Variants in AGBL2 observed in about 807,000 individuals in gnomAD.
AGBL2 encodes the protein cytosolic carboxypeptidase 2.
In AGBL2, 87 loss-of-function variants were observed where a neutral mutation model predicts 103.0. That is an observed-to-expected ratio of 0.84 (90% CI 0.71 to 1.01). The LOEUF (loss-of-function observed/expected upper bound fraction) is 1.01, where lower values mean the gene tolerates loss of function less well. Ranked by LOEUF, AGBL2 falls within the 50% of genes least tolerant of loss-of-function variation. The pLI is 0.00. For synonymous variants in AGBL2, 335 were observed against 356.7 expected (o/e 0.94, Z 0.69); for missense variants, 904 against 1,023.5 (o/e 0.88, Z 1.59).
At chr11:47,679,889 A>G (rs2153803559) in intron 13 of AGBL2, 84 bp downstream of exon 13, 1 of 848,854 alleles carries the variant, frequency 1.2e-6, no homozygotes, top group Non-Finnish European at 1.9e-6. Context: ...CAATCCACCC[A>G]CTTCAGCCTC....
intron 13 of AGBL2, 28 bp downstream of exon 13, chr11:47,679,945 A>T: frequency 6.9e-7 from 1 of 1,447,126 alleles, no homozygotes. Context: ...CCTGGCCTTC[A>T]TCACATTTCT....
rs769512682 is a variant in AGBL2 at position 47,690,478 on chromosome 11, A to G, written c.1229T>C (p.Val410Ala). Reference protein sequence around the residue: ...YTDLQCYLLSVANNPIQSQFC... With the variant: ...YTDLQCYLLSAANNPIQSQFC... ...CTGAGACTGGATAGGGTTGTTTGCC[A>G]CTGACAGGAGGTAGCATTGCAAATC... Residue 410 changes from valine to alanine, a missense_variant, in exon 10 of 19, where the codon GTG becomes GCG. Val to Ala is a moderately conservative substitution (Grantham distance 64). Coordinates refer to ENST00000525123, the MANE Select transcript of AGBL2 (RefSeq NM_024783.4). The G allele has an allele frequency of 1.9e-6, 3 of 1,614,152 alleles. No homozygotes were observed. Among genetic ancestry groups the G allele is most frequent in the Non-Finnish European group, 2.5e-6 (3 of 1,180,022 alleles).
At chr11:47,671,976 G>T (rs2097358983) in intron 14 of AGBL2, among the ~76,000 whole-genome samples, 1 of 152,188 alleles carries the variant, frequency 6.6e-6, no homozygotes, top group Admixed American at 6.5e-5. Flanking sequence ...GACTGTGACA[G>T]CCAGTTTCTT....
At chr11:47,711,414 T>TTGCTTGCCACCCCTCCCC (rs1450370012) in intron 3 of AGBL2, among the ~76,000 whole-genome samples, 5 of 152,188 alleles carry the variant, frequency 3.3e-5, no homozygotes, top group African/African-American at 1.2e-4. Context: ...CTCCCCTCAC[T>TTGCTTGCCACCCCTCCCC]TGCTTGCCAC....
intron 10 of AGBL2, among the ~76,000 whole-genome samples, chr11:47,686,916 G>A (rs1412600492): frequency 3.0e-5 from 4 of 132,540 alleles, no homozygotes; most frequent in Admixed American, 9.0e-5. Flanking sequence ...CCGAGATTGC[G>A]CCATTGCATT....
chr11:47,677,218 G>A (rs539283211), intron 14 of AGBL2, 53 bp downstream of exon 14: 256 of 1,409,188 alleles, frequency 1.8e-4, no homozygotes, highest in Non-Finnish European at 2.3e-4. Context: ...ATATCACCCA[G>A]GTTAACAACA....
At chr11:47,697,340 G>C (rs1373596130) in intron 8 of AGBL2, among the ~76,000 whole-genome samples, 1 of 151,282 alleles carries the variant, frequency 6.6e-6, no homozygotes, top group Non-Finnish European at 1.5e-5. Context: ...CAAGGTTCAA[G>C]GGATTCTCCT....
At chr11:47,703,489 G>A (rs1232857025) in intron 7 of AGBL2, among the ~76,000 whole-genome samples, 1 of 152,178 alleles carries the variant, frequency 6.6e-6, no homozygotes, top group Non-Finnish European at 1.5e-5. Flanking sequence ...TCCAGGGTGA[G>A]TTAATAAATG....
chr11:47,710,747 G>A (rs1327508345), intron 3 of AGBL2: 2 of 572,074 alleles, frequency 3.5e-6, no homozygotes, highest in African/African-American at 1.8e-5. Flanking sequence ...AAGCAGCCTG[G>A]TGTAGTGGAG....
intron 7 of AGBL2, among the ~76,000 whole-genome samples, chr11:47,703,940 AC>A (rs1354933165): frequency 2.1e-5 from 2 of 94,422 alleles, no homozygotes; most frequent in East Asian, 4.1e-4. Flanking sequence ...AAAAAAAAAA[AC>A]AAAAAAAAAA....
chr11:47,689,743 T>C (rs575892466), intron 10 of AGBL2, among the ~76,000 whole-genome samples: 1 of 152,300 alleles, frequency 6.6e-6, no homozygotes, highest in South Asian at 2.1e-4. Flanking sequence ...CATTTACTAA[T>C]TGTTAGCTAC....
chr11:47,689,932 A>T, intron 10 of AGBL2, 144 bp downstream of exon 10: 2 of 657,064 alleles, frequency 3.0e-6, no homozygotes, highest in Non-Finnish European at 4.8e-6. Context: ...TCACTTGACT[A>T]CAAAGAGACT....
chr11:47,691,729 A>AAAAAAAAAAAAATATATACATAT, intron 9 of AGBL2, among the ~76,000 whole-genome samples: 1 of 4,850 alleles, frequency 2.1e-4, no homozygotes, highest in Non-Finnish European at 3.6e-4. Context: ...AAAAAAAAAA[A>AAAAAAAAAAAAATATATACATAT]ATATATATAT....
intron 12 of AGBL2, among the ~76,000 whole-genome samples, chr11:47,680,315 G>A (rs1416182853): frequency 1.3e-5 from 2 of 152,040 alleles, no homozygotes; most frequent in African/African-American, 2.4e-5. Flanking sequence ...TTAGCCGGGC[G>A]TGGTGGTGGG....
At chr11:47,676,008 A>G (rs2097373586) in intron 14 of AGBL2, among the ~76,000 whole-genome samples, 1 of 151,720 alleles carries the variant, frequency 6.6e-6, no homozygotes, top group Non-Finnish European at 1.5e-5. Flanking sequence ...CTGTCTCAAG[A>G]AAAAAAAGTC....
chr11:47,682,473 C>T (rs2097404912), intron 11 of AGBL2, among the ~76,000 whole-genome samples: 1 of 152,130 alleles, frequency 6.6e-6, no homozygotes, highest in South Asian at 2.1e-4. Flanking sequence ...GAGAATTTTG[C>T]AGGAATTGGT....
chr11:47,686,832 AC>A (rs2097425636), intron 10 of AGBL2, among the ~76,000 whole-genome samples: 1 of 151,492 alleles, frequency 6.6e-6, no homozygotes, highest in Non-Finnish European at 1.5e-5. Context: ...TGTGGTGCAT[AC>A]CTGTAATGCC....
At chr11:47,710,579 AC>A in intron 3 of AGBL2, 68 bp from the exon 4 acceptor site, 1 of 1,576,792 alleles carries the variant, frequency 6.3e-7, no homozygotes, top group Non-Finnish European at 8.7e-7. Context: ...CTAGGTCAAT[AC>A]CAAACCACTA....
chr11:47,667,593 A>C lies in AGBL2; in HGVS notation c.2318T>G (p.Leu773Ter). 1 of 1,614,030 alleles carries C rather than the reference A, an allele frequency of 6.2e-7. No homozygotes were observed. The highest frequency in any genetic ancestry group is 1.3e-5 in the African/African-American group (1 of 75,048). Reference protein sequence around the residue: ...QYQKKNLMQKLKLTEDTSEKA... With the variant: ...QYQKKNLMQK ...TACTGAGGTATCTTCTGTTAACTTT[A>C]ACTTCTGCATCAAATTTTTTTTCTG... The change falls in exon 16 of 19, where the codon TTA becomes TGA. Residue 773 changes from leucine (L) to a stop codon, truncating the protein, a stop_gained. Transcript: ENST00000525123. LOFTEE classifies it high-confidence loss of function.
Sources: gnomAD v4.1 joint callset for allele counts (sites outside exome capture counted in the v4.1 genomes callset) on GRCh38, gnomAD v4.1.1 for gene constraint, MANE v1.5 for transcripts, NCBI Gene and HGNC (gene_info 2026-07-23, HGNC 2026-07-21) for gene names.